The following SFXN5 variants were observed in gnomAD, a reference collection of about 807,000 sequenced individuals.
SFXN5 encodes the protein sideroflexin 5.
A neutral mutation model predicts 50.2 loss-of-function variants in SFXN5; 43 were observed. That is an observed-to-expected ratio of 0.86 (90% CI 0.67 to 1.11). SFXN5 has a LOEUF of 1.11. Ranked by LOEUF, SFXN5 falls within the 50% of genes least tolerant of loss-of-function variation. The pLI is 0.00. For synonymous variants in SFXN5, 203 were observed against 185.8 expected (o/e 1.09, Z -0.75); for missense variants, 463 against 454.1 (o/e 1.02, Z -0.18).
intron 11 of SFXN5, among the ~76,000 whole-genome samples, chr2:72,970,146 A>AG (rs1024590555): frequency 3.3e-5 from 5 of 152,094 alleles, no homozygotes; most frequent in African/African-American, 1.2e-4. Context: ...GTCCTCCCTC[A>AG]GGGGGGCTGG....
At chr2:73,037,697 T>C (rs1461574483) in intron 3 of SFXN5, among the ~76,000 whole-genome samples, 1 of 152,194 alleles carries the variant, frequency 6.6e-6, no homozygotes, top group Non-Finnish European at 1.5e-5. Flanking sequence ...AACAGCTATA[T>C]TGGAACCCAG....
intron 10 of SFXN5, chr2:72,980,927 T>G (rs1010489590): frequency 2.6e-5 from 4 of 152,008 alleles, no homozygotes; most frequent in Non-Finnish European, 4.4e-5. Context: ...CCTCTGGGCT[T>G]CTCTACCTTC....
At chr2:72,983,622 T>C (rs1368030804) in intron 10 of SFXN5, among the ~76,000 whole-genome samples, 1 of 152,112 alleles carries the variant, frequency 6.6e-6, no homozygotes, top group African/African-American at 2.4e-5. Flanking sequence ...CTTCCTGCCC[T>C]CCCCATGCAC....
Position 72,994,569 on chromosome 2 carries a change from T to C in SFXN5, c.534+4380A>G, listed in dbSNP as rs1190558884. Reference sequence around the variant, plus strand: ...AATGGGCGTGAAGTGCCTCTCATCATGTGGCTCCCCCAGGCAGCTCCTGAC... The same window carrying C: ...AATGGGCGTGAAGTGCCTCTCATCACGTGGCTCCCCCAGGCAGCTCCTGAC... On this transcript the variant is annotated intron_variant, in intron 9 of 13. Coordinates refer to ENST00000272433, the MANE Select transcript of SFXN5 (RefSeq NM_144579.3). Among the ~76,000 whole-genome samples the C allele has an allele frequency of 8.5e-5, 13 of 152,268 alleles. 1 individual carries two copies.
intron 12 of SFXN5, among the ~76,000 whole-genome samples, chr2:72,963,803 G>A (rs1457823630): frequency 2.6e-5 from 4 of 152,178 alleles, no homozygotes; most frequent in African/African-American, 9.7e-5. Context: ...ATCCAGCACA[G>A]GAACCTGTGA....
In SFXN5 at chr2:72,985,526, G is replaced by C. The variant is rs566333714; in HGVS notation, c.625+2732C>G. On this transcript the variant is annotated intron_variant, in intron 10 of 13. Coordinates refer to ENST00000272433, the MANE Select transcript of SFXN5 (RefSeq NM_144579.3). The stretch of plus-strand genomic sequence containing the variant: ...TCCGCAAGTGTCCACTTGCAGATGA[G>C]AGCGATGGACATAGGGACTAGAGAG... 3.1e-3 allele frequency among the ~76,000 whole-genome samples: 460 copies of C among 146,956 alleles called. 1 individual carries two copies. The highest frequency in any genetic ancestry group is 0.011 in the African/African-American group (438 of 40,136).
Position 72,953,721 on chromosome 2 carries a change from G to A in SFXN5, c.945+7410C>T, listed in dbSNP as rs1249542210. Among the ~76,000 whole-genome samples the A allele has an allele frequency of 1.3e-5, 2 of 152,182 alleles. No homozygotes were observed. Among genetic ancestry groups the A allele is most frequent in the Admixed American group, 1.3e-4 (2 of 15,294 alleles). Reference sequence around the variant, plus strand: ...GAAGATCAGGGAGGACTTCCTGGAGGAGGAGCCATTTCTAGACCAGCTTGA... The same window carrying A: ...GAAGATCAGGGAGGACTTCCTGGAGAAGGAGCCATTTCTAGACCAGCTTGA... On this transcript the variant is annotated intron_variant, in intron 13 of 13. Coordinates refer to ENST00000272433, the MANE Select transcript of SFXN5 (RefSeq NM_144579.3). This position sits in a 1 kb window ranked among gnomAD's most constrained non-coding sequence, Gnocchi z 4.1.
At chr2:72,952,481 G>A (rs1197167128) in intron 13 of SFXN5, among the ~76,000 whole-genome samples, 3 of 152,282 alleles carry the variant, frequency 2.0e-5, no homozygotes, top group Admixed American at 6.5e-5. Flanking sequence ...TGCACAGTAG[G>A]TCCTCAGTAA....
At chr2:73,042,087 G>C (rs10166220) in intron 2 of SFXN5, among the ~76,000 whole-genome samples, 52,110 of 151,996 alleles carry the variant, frequency 0.34, 10,844 homozygotes, top group African/African-American at 0.58. Flanking sequence ...CATATGGCCA[G>C]AGTAACTGAT....
At chr2:73,065,982 A>G (rs1683149202) in intron 1 of SFXN5, among the ~76,000 whole-genome samples, 1 of 152,240 alleles carries the variant, frequency 6.6e-6, no homozygotes, top group South Asian at 2.1e-4. Flanking sequence ...CAGTGAGTTC[A>G]GGAGAGGAAA....
At chr2:72,954,540 G>C (rs1672867978) in intron 13 of SFXN5, among the ~76,000 whole-genome samples, 1 of 152,166 alleles carries the variant, frequency 6.6e-6, no homozygotes, top group Admixed American at 6.5e-5. Flanking sequence ...GCAGGGAAGA[G>C]ACACACGCTC....
At position 73,047,519 on chromosome 2, in the gene SFXN5, G is replaced by A. The variant is rs184557962; in HGVS notation, c.172-6588C>T. The stretch of plus-strand genomic sequence containing the variant: ...ATAATAATCCCCCCATGTCAAGGGC[G>A]GGGCCAGGTGGAGATAATTGAATCA... On this transcript the variant is annotated intron_variant, in intron 2 of 13. Transcript: ENST00000272433. Among the ~76,000 whole-genome samples the A allele has an allele frequency of 9.5e-4, 143 of 151,132 alleles. 3 individuals are homozygous for A. In the South Asian group the frequency reaches 0.012, roughly 13 times the overall value.
chr2:72,944,810 AT>A lies in SFXN5; in HGVS notation c.*211del. 1.1e-5 allele frequency: 6 copies of A among 523,962 alleles called. No individual in the cohort carries two copies. The highest frequency in any genetic ancestry group is 2.0e-5 in the Non-Finnish European group (6 of 295,820). 32.5% of individuals were successfully genotyped at this position (523,962 alleles called of 1,614,324 possible). A position where few individuals can be genotyped will look rare whatever the true frequency, so the allele number is the denominator to read the frequency against. ...ATAAGGCCCAGAAATGCACTTGATTATTTTTTTGTACGAAATGTGTTAGAAC... is the reference window on the plus strand; with the variant it reads ...ATAAGGCCCAGAAATGCACTTGATTATTTTTTGTACGAAATGTGTTAGAAC... On this transcript the variant is annotated 3_prime_UTR_variant, in exon 14 of 14. Coordinates refer to ENST00000272433, the MANE Select transcript of SFXN5 (RefSeq NM_144579.3).
chr2:73,009,355 G>A (rs535803587), intron 6 of SFXN5, among the ~76,000 whole-genome samples: 7 of 152,348 alleles, frequency 4.6e-5, no homozygotes, highest in African/African-American at 9.6e-5. Context: ...CACACAAGAC[G>A]AGGCAGTGGC....
chr2:73,038,742 C>T (rs1289888379), intron 3 of SFXN5, among the ~76,000 whole-genome samples: 1 of 152,166 alleles, frequency 6.6e-6, no homozygotes, highest in Admixed American at 6.5e-5. Flanking sequence ...GAAACACAAA[C>T]ACATTGTACA....
At chr2:72,958,563 G>T (rs74698175) in intron 13 of SFXN5, among the ~76,000 whole-genome samples, 1 of 152,312 alleles carries the variant, frequency 6.6e-6, no homozygotes, top group Non-Finnish European at 1.5e-5. Context: ...GCTACTAGAA[G>T]CACAGAGGTA....
intron 1 of SFXN5, among the ~76,000 whole-genome samples, chr2:73,062,507 T>C (rs546745617): frequency 1.3e-5 from 2 of 152,346 alleles, no homozygotes; most frequent in African/African-American, 2.4e-5. Flanking sequence ...ACTTGTCCTA[T>C]GGTCTGGCAC....
chr2:73,071,248 G>A (rs1387836998), intron 1 of SFXN5: 1 of 248,074 alleles, frequency 4.0e-6, no homozygotes, highest in African/African-American at 2.3e-5. Context: ...GTCCCGGGCG[G>A]GCAGCTGCAC....
At chr2:73,004,315 GCA>G (rs59114781) in intron 6 of SFXN5, among the ~76,000 whole-genome samples, 5,890 of 115,232 alleles carry the variant, frequency 0.051, 106 homozygotes, top group Non-Finnish European at 0.068. Context: ...GAGTGCGCGC[GCA>G]CACACACACA....
Sources: allele counts gnomAD v4.1 joint callset (sites outside exome capture counted in the v4.1 genomes callset), GRCh38; gene constraint gnomAD v4.1.1; non-coding constraint Gnocchi (gnomAD v3.1); transcripts MANE v1.5; gene names NCBI Gene and HGNC (gene_info 2026-07-23, HGNC 2026-07-21).